Variants in FBXO10 observed in about 807,000 individuals in gnomAD.
The protein encoded by FBXO10 is F-box only protein 10.
Under a neutral mutation model 80.7 loss-of-function variants are expected in FBXO10, and 39 were observed. The observed-to-expected ratio is 0.48, with a 90% CI of 0.37 to 0.63. The LOEUF is 0.63. Ranked by LOEUF, FBXO10 falls within the 30% of genes least tolerant of loss-of-function variation. The pLI is 0.00. For synonymous variants in FBXO10, 449 were observed against 489.6 expected, an observed-to-expected ratio of 0.92 and a Z score of 1.09; for missense variants, 1,025 against 1,269.0, an observed-to-expected ratio of 0.81 and a Z score of 2.92.
At chr9:37,574,362 T>C (rs1341455260) in intron 1 of FBXO10, among the ~76,000 whole-genome samples, 2 of 152,216 alleles carry the variant, frequency 1.3e-5, no homozygotes, top group Admixed American at 1.3e-4. Context: ...GGTGACCTGG[T>C]GACTGCTTGA....
At chr9:37,562,015 T>G (rs562662805) in intron 1 of FBXO10, among the ~76,000 whole-genome samples, 2 of 152,250 alleles carry the variant, frequency 1.3e-5, no homozygotes, top group South Asian at 4.1e-4. Context: ...GAAACACATC[T>G]GTAAAGGGGA....
chr9:37,574,252 T>A (rs2119213344), intron 1 of FBXO10, among the ~76,000 whole-genome samples: 1 of 152,256 alleles, frequency 6.6e-6, no homozygotes, highest in South Asian at 2.1e-4. Flanking sequence ...CTCTTGGCAC[T>A]GCCACCAATG....
intron 5 of FBXO10, 59 bp from the exon 6 acceptor site, chr9:37,525,231 C>CA (rs960329222): frequency 2.7e-5 from 39 of 1,458,654 alleles, no homozygotes; most frequent in Non-Finnish European, 3.3e-5. Flanking sequence ...GTCATGCTTC[C>CA]AGGAGACTGC....
chr9:37,521,564 C>G lies in FBXO10; in HGVS notation c.2200+5G>C. 2 of 1,593,600 alleles carry G rather than the reference C, an allele frequency of 1.3e-6. No homozygotes were observed. The highest frequency in any genetic ancestry group is 1.7e-6 in the Non-Finnish European group (2 of 1,165,872). ...CTTGAGCAGGGGCTGAGGGGGTATA[C>G]TCACCTCCATTGTGATTAATACTGT... On this transcript the variant is annotated splice_donor_5th_base_variant and intron_variant, in intron 8 of 10. Coordinates refer to ENST00000432825, the MANE Select transcript of FBXO10 (RefSeq NM_012166.3).
intron 6 of FBXO10, among the ~76,000 whole-genome samples, chr9:37,523,487 G>C (rs897618542): frequency 6.6e-6 from 1 of 152,080 alleles, no homozygotes; most frequent in African/African-American, 2.4e-5. Context: ...CTGGAGGTCA[G>C]GGCTGCAGTG....
At chr9:37,527,654 A>AT (rs1269275849) in intron 5 of FBXO10, among the ~76,000 whole-genome samples, 1 of 152,154 alleles carries the variant, frequency 6.6e-6, no homozygotes, top group East Asian at 1.9e-4. Context: ...GTCTTCCATC[A>AT]TGGCTGTGTG....
chr9:37,523,135 G>A (rs1392939391), intron 6 of FBXO10, among the ~76,000 whole-genome samples, 158 bp from the exon 7 acceptor site: 2 of 152,196 alleles, frequency 1.3e-5, no homozygotes, highest in Non-Finnish European at 2.9e-5. Context: ...GCTGTCTGAT[G>A]TTTCAGGGAC....
At chr9:37,527,703 T>C (rs73439463) in intron 5 of FBXO10, among the ~76,000 whole-genome samples, 13,039 of 152,150 alleles carry the variant, frequency 0.086, 616 homozygotes, top group South Asian at 0.12. Flanking sequence ...GTCAACTCCA[T>C]GGGGCAGGCA....
chr9:37,513,029 G>A (rs1240373242), intron 10 of FBXO10, among the ~76,000 whole-genome samples: 1 of 152,178 alleles, frequency 6.6e-6, no homozygotes, highest in Non-Finnish European at 1.5e-5. Flanking sequence ...GCAGTGGCAC[G>A]ATCATGGCTC....
At chr9:37,536,951 A>G (rs184729901) in intron 3 of FBXO10, among the ~76,000 whole-genome samples, 159 bp downstream of exon 3, 38 of 152,308 alleles carry the variant, frequency 2.5e-4, no homozygotes, top group Non-Finnish European at 5.0e-4. Flanking sequence ...AAATGAGAAA[A>G]AGCGTTTCTG....
At position 37,518,165 on chromosome 9, in the gene FBXO10, C is replaced by G. The variant is rs778677445; in HGVS notation, c.2474G>C (p.Arg825Pro). 5.0e-6 allele frequency: 8 copies of G among 1,614,014 alleles called. No homozygotes were observed. Among genetic ancestry groups the G allele is most frequent in the Non-Finnish European group, 6.8e-6 (8 of 1,179,874 alleles). Reference sequence around the variant, plus strand: ...GGGCAGCAGCTGCAGCCCGCTGCCCCGGTTGCCAATGATATCGTTTTCAAT... The same window carrying G: ...GGGCAGCAGCTGCAGCCCGCTGCCCGGGTTGCCAATGATATCGTTTTCAAT... ...IVIENDIIGN[R>P]GSGLQLLPRS... The change falls in exon 9 of 11, where the codon CGG (arginine) becomes CCG (proline). Residue 825 changes from arginine to proline, a missense_variant. Coordinates refer to ENST00000432825, the MANE Select transcript of FBXO10 (RefSeq NM_012166.3).
chr9:37,528,831 T>A (rs1345304350), intron 5 of FBXO10, among the ~76,000 whole-genome samples: 1 of 152,202 alleles, frequency 6.6e-6, no homozygotes, highest in Non-Finnish European at 1.5e-5. Context: ...CTCTGTTCCA[T>A]CCCTGCCTGG....
In FBXO10 at chr9:37,541,453, C is replaced by T; in HGVS notation, c.316G>A (p.Glu106Lys). 1 of 1,614,028 alleles carries T rather than the reference C, an allele frequency of 6.2e-7. No individual in the cohort carries two copies. The highest frequency in any genetic ancestry group is 1.1e-5 in the South Asian group (1 of 91,082). The change falls in exon 2 of 11, where the codon GAA (glutamate) becomes AAA (lysine). Residue 106 changes from glutamate to lysine, a missense_variant. By Grantham distance (56) the Glu-to-Lys change is moderately conservative. This residue lies in a region of FBXO10 where 450 missense variants were observed against 499.4 expected (regional missense o/e 0.90). Coordinates refer to ENST00000432825, the MANE Select transcript of FBXO10 (RefSeq NM_012166.3). ...ICFSLFRRRR[E>K]RRTLSVGPGR... ...GGCCCAACACTCAGGGTACGTCGTT[C>T]CCTCCTCCGGCGGAATAGAGAAAAG...
chr9:37,516,146 G>A, intron 9 of FBXO10, 61 bp from the exon 10 acceptor site: 1 of 1,539,438 alleles, frequency 6.5e-7, no homozygotes, highest in Non-Finnish European at 8.8e-7. Flanking sequence ...TGGGAGAGCT[G>A]GGCAAGTGAA....
At chr9:37,552,786 G>A (rs1009923944) in intron 1 of FBXO10, among the ~76,000 whole-genome samples, 9 of 152,106 alleles carry the variant, frequency 5.9e-5, no homozygotes, top group East Asian at 3.9e-4. Flanking sequence ...TGGTGAGGAC[G>A]TCCTTGCTCT....
At position 37,537,262 on chromosome 9, in the gene FBXO10, G is replaced by A; in HGVS notation, c.1267C>T (p.Leu423=). 6.2e-7 allele frequency: 1 copy of A among 1,613,876 alleles called. No individual in the cohort carries two copies. Among genetic ancestry groups the A allele is most frequent in the Non-Finnish European group, 8.5e-7 (1 of 1,179,882 alleles). ...ELQKDKEAMA[L]ANSVQGCLIR... ...AGGCAGCCCTGCACGGAGTTGGCCA[G>A]TGCCATGGCCTCCTTATCCTTCTGC... The change falls in exon 3 of 11, where the codon CTG becomes TTG. Residue 423 remains leucine, a synonymous_variant. Coordinates refer to ENST00000432825, the MANE Select transcript of FBXO10 (RefSeq NM_012166.3).
At chr9:37,555,359 G>A (rs1019182061) in intron 1 of FBXO10, among the ~76,000 whole-genome samples, 1 of 151,776 alleles carries the variant, frequency 6.6e-6, no homozygotes. Flanking sequence ...CCTTTTTGAA[G>A]TACTTGTTCA....
chr9:37,576,016 G>A (rs569258872), intron 1 of FBXO10, among the ~76,000 whole-genome samples, 195 bp downstream of exon 1: 1 of 152,364 alleles, frequency 6.6e-6, no homozygotes, highest in African/African-American at 2.4e-5. Context: ...GATGCCGGGG[G>A]ACCGCGGAGC....
At chr9:37,523,009 C>T (rs1256605028) in intron 6 of FBXO10, 32 bp from the exon 7 acceptor site, 1 of 1,574,002 alleles carries the variant, frequency 6.4e-7, no homozygotes, top group East Asian at 2.4e-5. Flanking sequence ...AAGGTCAGTA[C>T]CCAAGGGCCA....
Sources: gnomAD v4.1 joint callset for allele counts (sites outside exome capture counted in the v4.1 genomes callset) on GRCh38, gnomAD v4.1.1 for gene constraint, gnomAD v4.1.1 regional missense constraint, MANE v1.5 for transcripts, NCBI Gene and HGNC (gene_info 2026-07-23, HGNC 2026-07-21) for gene names.